HDGFL2: variants seen among roughly 807,000 people sequenced by gnomAD.
The protein encoded by HDGFL2 is HDGF like 2.
HDGFL2 carries 36 observed loss-of-function variants against 77.1 expected under a neutral mutation model. The ratio of observed to expected loss-of-function variants is 0.47; its 90% CI spans 0.36 to 0.62. HDGFL2 has a LOEUF of 0.62. Among genes scored for constraint, HDGFL2 ranks in the 20% least tolerant of loss-of-function variants. HDGFL2 has a pLI of 0.00. For missense variants in HDGFL2, 976 were observed against 973.4 expected (o/e 1.00, Z -0.04); for synonymous variants, 463 against 413.1 (o/e 1.12, Z -1.46).
chr19:4,493,456 C>T (rs1366534700), intron 6 of HDGFL2, among the ~76,000 whole-genome samples: 7 of 152,084 alleles, frequency 4.6e-5, no homozygotes, highest in Admixed American at 4.6e-4. Flanking sequence ...CTGATGTACC[C>T]GGTTCACTGA....
At chr19:4,484,525 G>C (rs1055817436) in intron 3 of HDGFL2, among the ~76,000 whole-genome samples, 6 of 150,610 alleles carry the variant, frequency 4.0e-5, no homozygotes, top group East Asian at 3.9e-4. Context: ...TTGAGACAGA[G>C]TCTTCGCTCT....
rs997943931 is a variant in HDGFL2, at chr19:4,502,068, G to A, written c.*58G>A. 2.9e-5 allele frequency: 35 copies of A among 1,214,858 alleles called. No individual in the cohort carries two copies. The highest frequency in any genetic ancestry group is 1.6e-4 in the African/African-American group (11 of 66,890). The allele number at this position is 1,214,858 out of a possible 1,614,324, so 75.3% of individuals were successfully genotyped here. A position where few individuals can be genotyped will look rare whatever the true frequency, so the allele number is the denominator to read the frequency against. Reference sequence around the variant, plus strand: ...GCTCAGGCTGCCCCTCTCCTTCCCCGGCTCGCAGGAGAGCAGAGCAGAGAA... The same window carrying A: ...GCTCAGGCTGCCCCTCTCCTTCCCCAGCTCGCAGGAGAGCAGAGCAGAGAA... On this transcript the variant is annotated 3_prime_UTR_variant, in exon 16 of 16. Transcript: ENST00000616600.
Position 4,497,947 on chromosome 19 carries a change from C to G in HDGFL2, c.1329-11C>G. 6.4e-7 allele frequency: 1 copy of G among 1,551,538 alleles called. No homozygotes were observed. Among genetic ancestry groups the G allele is most frequent in the Non-Finnish European group, 8.7e-7 (1 of 1,146,954 alleles). ...TGACGGGGCCCGACTGAGGGGAGCACTTCTCCACAGGCCCGTGAAGGTGGA... is the reference window on the plus strand; with the variant it reads ...TGACGGGGCCCGACTGAGGGGAGCAGTTCTCCACAGGCCCGTGAAGGTGGA... On this transcript the variant is annotated splice_polypyrimidine_tract_variant and intron_variant, in intron 10 of 15. Coordinates refer to ENST00000616600, the MANE Select transcript of HDGFL2 (RefSeq NM_001001520.3).
chr19:4,474,266 C>T (rs1975014361), intron 1 of HDGFL2, among the ~76,000 whole-genome samples: 1 of 152,096 alleles, frequency 6.6e-6, no homozygotes, highest in Admixed American at 6.6e-5. Context: ...CAGCCCAGGT[C>T]CGAAGCTGGC....
At position 4,499,475 on chromosome 19, in the gene HDGFL2, T is replaced by G. The variant is rs1339671213; in HGVS notation, c.1576-16T>G. The G allele has an allele frequency of 1.2e-5, 19 of 1,610,206 alleles. No individual in the cohort carries two copies. Among genetic ancestry groups the G allele is most frequent in the Non-Finnish European group, 1.6e-5 (19 of 1,178,048 alleles). Reference sequence around the variant, plus strand: ...GCTGCACTTGGGTGAGCCAGGCCTCTTCTCTTGGTGGCCAGATTCGCCGTT... The same window carrying G: ...GCTGCACTTGGGTGAGCCAGGCCTCGTCTCTTGGTGGCCAGATTCGCCGTT... On this transcript the variant is annotated splice_polypyrimidine_tract_variant and intron_variant, in intron 13 of 15. Coordinates refer to ENST00000616600, the MANE Select transcript of HDGFL2 (RefSeq NM_001001520.3).
intron 9 of HDGFL2, among the ~76,000 whole-genome samples, chr19:4,495,808 C>T (rs1461004481): frequency 6.6e-6 from 1 of 152,176 alleles, no homozygotes; most frequent in East Asian, 1.9e-4. Flanking sequence ...TCAGGACTCT[C>T]CTATACCACG....
intron 6 of HDGFL2, among the ~76,000 whole-genome samples, chr19:4,492,124 G>A (rs914760543): frequency 3.3e-5 from 5 of 152,204 alleles, no homozygotes; most frequent in African/African-American, 4.8e-5. Context: ...AAGCAAGAGC[G>A]CGAGAGGGAC....
At position 4,502,150 on chromosome 19, in the gene HDGFL2, A is replaced by G. The variant is rs1458061787; in HGVS notation, c.*140A>G. 1 of 707,754 alleles carries G rather than the reference A, an allele frequency of 1.4e-6. No homozygotes were observed. Among genetic ancestry groups the G allele is most frequent in the Non-Finnish European group, 2.5e-6 (1 of 397,210 alleles). The allele number at this position is 707,754 out of a possible 1,614,324, so 43.8% of individuals were successfully genotyped here. ...TCCCTTGGGTTTTTTTTTCCTGCCTAATTTCTGTGATTTCCAACCAACATG... is the reference window on the plus strand; with the variant it reads ...TCCCTTGGGTTTTTTTTTCCTGCCTGATTTCTGTGATTTCCAACCAACATG... On this transcript the variant is annotated 3_prime_UTR_variant, in exon 16 of 16. Coordinates refer to ENST00000616600, the MANE Select transcript of HDGFL2 (RefSeq NM_001001520.3).
rs112264903 is a variant in HDGFL2 at position 4,487,882 on chromosome 19, A to AT, written c.289-793dup. 1.2e-3 allele frequency among the ~76,000 whole-genome samples: 175 copies of AT among 151,800 alleles called. 2 individuals carry two copies. The Middle Eastern group carries it at 0.031, about 27-fold the overall frequency. ...GTGTAGGAGAAATAGCAGTGCCTGG[A>AT]TGGTAGAAGCCCAGAGGTCTTGTCC... On this transcript the variant is annotated intron_variant, in intron 3 of 15. Transcript: ENST00000616600.
Position 4,494,405 on chromosome 19 carries a change from G to C in HDGFL2, c.1154G>C (p.Gly385Ala). 7.1e-7 allele frequency: 1 copy of C among 1,405,058 alleles called. No individual in the cohort carries two copies. The highest frequency in any genetic ancestry group is 9.2e-7 in the Non-Finnish European group (1 of 1,084,144). 87.0% of individuals were successfully genotyped at this position (1,405,058 alleles called of 1,614,324 possible). A position where few individuals can be genotyped will look rare whatever the true frequency, so the allele number is the denominator to read the frequency against. The part of the protein sequence containing the change: ...REDDEPVKKR[G>A]RKGRGRGPPS... ...GACGATGAGCCCGTCAAGAAGCGGG[G>C]ACGCAAGGGCCGGGGCCGGGGTCCC... The change falls in exon 9 of 16, where the codon GGA becomes GCA. Residue 385 changes from glycine (G) to alanine (A), a missense_variant. Gly to Ala is a moderately conservative substitution (Grantham distance 60). This residue lies in a region of HDGFL2 where 567 missense variants were observed against 534.7 expected (regional missense o/e 1.06). Coordinates refer to ENST00000616600, the MANE Select transcript of HDGFL2 (RefSeq NM_001001520.3).
chr19:4,501,473 G>A, intron 15 of HDGFL2, 156 bp downstream of exon 15: 1 of 871,522 alleles, frequency 1.1e-6, no homozygotes, highest in Non-Finnish European at 1.6e-6. Flanking sequence ...TGACCCCAGG[G>A]CCCCGCTGGC....
intron 4 of HDGFL2, among the ~76,000 whole-genome samples, chr19:4,491,253 A>G (rs947858102): frequency 4.0e-5 from 1 of 25,280 alleles, no homozygotes; most frequent in Admixed American, 3.8e-4. Flanking sequence ...CCCACCACCC[A>G]CCCCCCCACC....
rs150166745 is a variant in HDGFL2 at position 4,502,164 on chromosome 19, C to G, written c.*154C>G. 2.3e-3 allele frequency: 1,588 copies of G among 693,310 alleles called. 21 individuals carry two copies. The African/African-American group carries it at 0.025, about 11-fold the overall frequency. 42.9% of individuals were successfully genotyped at this position (693,310 alleles called of 1,614,324 possible). A position where few individuals can be genotyped will look rare whatever the true frequency, so the allele number is the denominator to read the frequency against. ...TTTTCCTGCCTAATTTCTGTGATTT[C>G]CAACCAACATGAAATGACTATAAAT... On this transcript the variant is annotated 3_prime_UTR_variant, in exon 16 of 16. Coordinates refer to ENST00000616600, the MANE Select transcript of HDGFL2 (RefSeq NM_001001520.3).
intron 1 of HDGFL2, chr19:4,474,796 C>G (rs965448648): frequency 6.1e-6 from 1 of 163,320 alleles, no homozygotes; most frequent in Non-Finnish European, 1.3e-5. Context: ...TGACAGCTGC[C>G]GGAGCCCATG....
In HDGFL2 at chr19:4,475,590, A is replaced by G; in HGVS notation, c.288+7A>G. 3 of 1,566,562 alleles carry G rather than the reference A, an allele frequency of 1.9e-6. No individual in the cohort carries two copies. Among genetic ancestry groups the G allele is most frequent in the Non-Finnish European group, 8.6e-7 (1 of 1,163,166 alleles). ...CAGCTACAGCGCCCCTCCGGTGAGT[A>G]CCCGGGGTGGAGAGCCAGTGTGAAG... On this transcript the variant is annotated splice_region_variant and intron_variant, in intron 3 of 15. Transcript: ENST00000616600.
intron 9 of HDGFL2, 74 bp from the exon 10 acceptor site, chr19:4,496,228 G>A (rs1335856167): frequency 1.6e-6 from 2 of 1,213,288 alleles, no homozygotes; most frequent in Admixed American, 1.7e-5. Flanking sequence ...GCATCTCCTG[G>A]TAGTGGGATG....
At chr19:4,494,779 G>A (rs144458382) in intron 9 of HDGFL2, among the ~76,000 whole-genome samples, 4 of 152,264 alleles carry the variant, frequency 2.6e-5, no homozygotes, top group Non-Finnish European at 4.4e-5. Flanking sequence ...TTAGCTGGGC[G>A]TGGTGGTGTG....
chr19:4,481,316 G>A (rs1239747220), intron 3 of HDGFL2, among the ~76,000 whole-genome samples: 3 of 150,692 alleles, frequency 2.0e-5, no homozygotes, highest in African/African-American at 4.9e-5. Flanking sequence ...TCAGCCTCCC[G>A]AGTAGCTGGG....
At chr19:4,500,080 C>G (rs1015761166) in intron 14 of HDGFL2, among the ~76,000 whole-genome samples, 2 of 152,006 alleles carry the variant, frequency 1.3e-5, no homozygotes, top group African/African-American at 4.8e-5. Context: ...TCGGTGGAGG[C>G]TCGGGGGCGG....
Sources: allele counts gnomAD v4.1 joint callset (sites outside exome capture counted in the v4.1 genomes callset), GRCh38; gene constraint gnomAD v4.1.1; regional missense constraint gnomAD v4.1.1; transcripts MANE v1.5; gene names NCBI Gene and HGNC (gene_info 2026-07-23, HGNC 2026-07-21).